Variants in TAMM41 observed in about 807,000 individuals in gnomAD.
The protein encoded by TAMM41 is TAM41 mitochondrial translocator assembly and maintenance homolog.
Under a neutral mutation model 44.1 loss-of-function variants are expected in TAMM41, and 36 were observed. That is an observed-to-expected ratio of 0.82 (90% CI 0.63 to 1.08). TAMM41 has a LOEUF of 1.08. Among genes scored for constraint, TAMM41 ranks in the 50% least tolerant of loss-of-function variants. The pLI is 0.00. For synonymous variants in TAMM41, 164 were observed against 153.1 expected (o/e 1.07, Z -0.53); for missense variants, 417 against 404.3 (o/e 1.03, Z -0.27).
the TAMM41 span, among the ~76,000 whole-genome samples, chr3:11,755,519 G>A: frequency 6.6e-6 from 1 of 152,204 alleles, no homozygotes; most frequent in Non-Finnish European, 1.5e-5. Flanking sequence ...TTCCTGTTAA[G>A]GAGCTGGGGA....
the TAMM41 span, among the ~76,000 whole-genome samples, chr3:11,740,092 C>CA: frequency 0.039 from 5,882 of 151,326 alleles, 364 homozygotes; most frequent in African/African-American, 0.14. Context: ...CAAAACAAAA[C>CA]AAAAAAAACA....
chr3:11,805,292 A>G (rs1017933834), intron 7 of TAMM41, among the ~76,000 whole-genome samples: 4 of 151,838 alleles, frequency 2.6e-5, no homozygotes, highest in Non-Finnish European at 5.9e-5. Context: ...ATGAGTCACC[A>G]CATCCAGCCT....
At chr3:11,761,971 GAAAGAAAAGAAAA>G in the TAMM41 span, among the ~76,000 whole-genome samples, 2 of 141,950 alleles carry the variant, frequency 1.4e-5, no homozygotes, top group Non-Finnish European at 3.1e-5. Flanking sequence ...AAAAAAGAAA[GAAAGAAAAGAAAA>G]AAAGAAAAAA....
the TAMM41 span, among the ~76,000 whole-genome samples, chr3:11,766,300 G>A: frequency 6.6e-6 from 1 of 151,856 alleles, no homozygotes; most frequent in Non-Finnish European, 1.5e-5. Flanking sequence ...AGGTAGCTGG[G>A]GCTACAGGCA....
chr3:11,755,981 A>G, the TAMM41 span, among the ~76,000 whole-genome samples: 1 of 152,222 alleles, frequency 6.6e-6, no homozygotes, highest in African/African-American at 2.4e-5. Flanking sequence ...GTCTTGGATT[A>G]GAATTCCAGC....
At chr3:11,773,684 T>A in the TAMM41 span, among the ~76,000 whole-genome samples, 1 of 152,238 alleles carries the variant, frequency 6.6e-6, no homozygotes, top group African/African-American at 2.4e-5. Flanking sequence ...TTTCATTAAT[T>A]TATAACAGTA....
At chr3:11,837,296 A>C (rs2079222680) in intron 3 of TAMM41, among the ~76,000 whole-genome samples, 2 of 152,194 alleles carry the variant, frequency 1.3e-5, no homozygotes, top group African/African-American at 4.8e-5. Flanking sequence ...TCTCACGCAC[A>C]GTGAAAATCT....
At chr3:11,824,357 A>ATTTTTT (rs34155955) in intron 4 of TAMM41, among the ~76,000 whole-genome samples, 1 of 105,132 alleles carries the variant, frequency 9.5e-6, no homozygotes, top group African/African-American at 3.8e-5. Context: ...TGCCTGGCTA[A>ATTTTTT]TTTTTTTTTT....
the TAMM41 span, among the ~76,000 whole-genome samples, chr3:11,729,281 C>G: frequency 6.6e-6 from 1 of 151,964 alleles, no homozygotes; most frequent in Non-Finnish European, 1.5e-5. Context: ...ATAAATTTCA[C>G]TGGGCTGGGA....
At chr3:11,753,494 G>C in the TAMM41 span, among the ~76,000 whole-genome samples, 1 of 151,998 alleles carries the variant, frequency 6.6e-6, no homozygotes, top group African/African-American at 2.4e-5. Flanking sequence ...GGAGGCCGAG[G>C]CATGTGGATC....
the TAMM41 span, among the ~76,000 whole-genome samples, chr3:11,750,078 A>T: frequency 6.6e-6 from 1 of 150,730 alleles, no homozygotes; most frequent in South Asian, 2.1e-4. Flanking sequence ...TTGTATTTTT[A>T]GTAGAGATGG....
intron 5 of TAMM41, among the ~76,000 whole-genome samples, chr3:11,812,672 G>GT (rs1290846678): frequency 2.0e-5 from 3 of 152,158 alleles, no homozygotes; most frequent in African/African-American, 7.2e-5. Context: ...ATCCCATGCC[G>GT]TAAGTCCAGC....
chr3:11,737,478 G>A, the TAMM41 span, among the ~76,000 whole-genome samples: 13 of 151,790 alleles, frequency 8.6e-5, no homozygotes, highest in South Asian at 1.9e-3. Context: ...CCACCACCAC[G>A]CCCAGCTAAT....
chr3:11,729,521 C>T, the TAMM41 span, among the ~76,000 whole-genome samples: 49,922 of 93,838 alleles, frequency 0.53, 11,645 homozygotes, highest in African/African-American at 0.67. Flanking sequence ...TTCTTTCTTT[C>T]TTTCTTTTCT....
downstream of TAMM41, among the ~76,000 whole-genome samples, chr3:11,788,573 G>A (rs1358223606): frequency 6.6e-6 from 1 of 152,148 alleles, no homozygotes; most frequent in Non-Finnish European, 1.5e-5. Flanking sequence ...CCAAGCATGA[G>A]CCACCATGCC....
chr3:11,796,434 C>T (rs1158264667), intron 7 of TAMM41, among the ~76,000 whole-genome samples: 1 of 152,192 alleles, frequency 6.6e-6, no homozygotes, highest in African/African-American at 2.4e-5. Flanking sequence ...ACCCTATCCT[C>T]TGACCCCAAG....
intron 5 of TAMM41, among the ~76,000 whole-genome samples, chr3:11,811,875 C>A (rs552203149): frequency 6.6e-5 from 10 of 152,106 alleles, no homozygotes. Flanking sequence ...TGTGACTATA[C>A]TATAAACACT....
the TAMM41 span, among the ~76,000 whole-genome samples, chr3:11,726,649 A>G: frequency 6.6e-6 from 1 of 152,054 alleles, no homozygotes; most frequent in Admixed American, 6.6e-5. Context: ...CTAAAAGTAC[A>G]AAAATTAGCC....
chr3:11,797,142 AACT>A, intron 7 of TAMM41, among the ~76,000 whole-genome samples: 1 of 152,338 alleles, frequency 6.6e-6, no homozygotes, highest in South Asian at 2.1e-4. Flanking sequence ...ACTAGAAAAA[AACT>A]ATTTTAAAAT....
Sources: allele counts gnomAD v4.1 joint callset (sites outside exome capture counted in the v4.1 genomes callset), GRCh38; gene constraint gnomAD v4.1.1; transcripts MANE v1.5; gene names NCBI Gene and HGNC (gene_info 2026-07-23, HGNC 2026-07-21).